FEZ2: variants seen among roughly 807,000 people sequenced by gnomAD.
FEZ2 encodes fasciculation and elongation protein zeta 2.
FEZ2 carries 51 observed loss-of-function variants against 40.4 expected under a neutral mutation model. The ratio of observed to expected loss-of-function variants is 1.26; its 90% CI spans 1.01 to 1.59. The LOEUF (loss-of-function observed/expected upper bound fraction) is 1.59. Ranked by LOEUF, FEZ2 falls within the 40% of genes most tolerant of loss-of-function variation. The pLI is 0.00. For missense variants in FEZ2, 640 were observed against 438.3 expected (o/e 1.46, Z -4.11); for synonymous variants, 242 against 172.0 (o/e 1.41, Z -3.18).
At chr2:36,575,262 G>A (rs574336291) in intron 5 of FEZ2, among the ~76,000 whole-genome samples, 6 of 152,280 alleles carry the variant, frequency 3.9e-5, no homozygotes, top group African/African-American at 1.4e-4. Flanking sequence ...ATGGCCCACT[G>A]CAGCCTCAAC....
chr2:36,572,434 G>T (rs1283838369), intron 5 of FEZ2, among the ~76,000 whole-genome samples: 2 of 152,182 alleles, frequency 1.3e-5, no homozygotes, highest in Non-Finnish European at 2.9e-5. Context: ...CTTAACTGGA[G>T]TTCATAACTT....
intron 4 of FEZ2, among the ~76,000 whole-genome samples, chr2:36,580,166 C>T (rs1668690506): frequency 1.3e-5 from 2 of 152,188 alleles, no homozygotes; most frequent in African/African-American, 4.8e-5. Flanking sequence ...GTTCTGGCAG[C>T]CCTAGCAAAC....
intron 2 of FEZ2, chr2:36,589,779 T>C (rs2125241420): frequency 6.6e-6 from 1 of 152,316 alleles, no homozygotes; most frequent in South Asian, 2.1e-4. Context: ...AACAGTAGGC[T>C]TTTCTGATCA....
intron 5 of FEZ2, among the ~76,000 whole-genome samples, chr2:36,567,395 A>C (rs184341462): frequency 2.6e-5 from 4 of 152,324 alleles, no homozygotes; most frequent in Admixed American, 2.6e-4. Context: ...TAGTCTAGGA[A>C]AGTAAGATGA....
rs186600828 is a variant in FEZ2, at chr2:36,579,641, C to G, written c.635-776G>C. Among the ~76,000 whole-genome samples, 126 of 152,280 alleles carry G rather than the reference C, an allele frequency of 8.3e-4. 1 individual carries two copies. Among genetic ancestry groups the G allele is most frequent in the African/African-American group, 2.8e-3 (116 of 41,546 alleles). On this transcript the variant is annotated intron_variant, in intron 4 of 7. Coordinates refer to ENST00000405912, the MANE Select transcript of FEZ2 (RefSeq NM_005102.3). ...GAGTAAAAGCTCCCTGAGGCCCCCC[C>G]AGAAGCAGATGCTACCAGGCTTCCT...
chr2:36,583,421 C>T lies in FEZ2; in HGVS notation c.424G>A (p.Glu142Lys), dbSNP rs1299404315. The stretch of plus-strand genomic sequence containing the variant: ...ATGATTGAGTGCATATCCAGCTGTT[C>T]TCTCAGCTCTTCATCATCTGATGTA... ...FDTSDDEELR[E>K]QLDMHSIIVS... is the part of the protein sequence containing the mutation. The change falls in exon 3 of 8, where the codon GAA becomes AAA. Residue 142 changes from glutamate (E) to lysine (K), a missense_variant. Transcript: ENST00000405912. The T allele has an allele frequency of 6.2e-7, 1 of 1,608,596 alleles. No individual in the cohort carries two copies. Among genetic ancestry groups the T allele is most frequent in the East Asian group, 2.2e-5 (1 of 44,852 alleles).
At chr2:36,579,971 T>C (rs1310230578) in intron 4 of FEZ2, among the ~76,000 whole-genome samples, 1 of 151,948 alleles carries the variant, frequency 6.6e-6, no homozygotes, top group Non-Finnish European at 1.5e-5. Flanking sequence ...TCTTATAAAA[T>C]AGGGTGATCA....
chr2:36,575,839 G>C (rs2125232113), intron 5 of FEZ2, among the ~76,000 whole-genome samples: 1 of 151,992 alleles, frequency 6.6e-6, no homozygotes, highest in African/African-American at 2.4e-5. Context: ...AACAATTTTA[G>C]ATTAAGTGGT....
Position 36,590,929 on chromosome 2 carries a change from G to T in FEZ2, c.349C>A (p.Leu117Ile). The change falls in exon 2 of 8, where the codon CTT becomes ATT. Residue 117 changes from leucine to isoleucine, a missense_variant. By Grantham distance (5) the Leu-to-Ile change is conservative. Transcript: ENST00000405912. ...CCTTTTTCTGAGAGGTTCAGAGTAA[G>T]CAAGTGCAAGGTCCTAGTATGCGAT... ...KSSHTRTLHL[L>I]TLNLSEKGVS... 3.1e-6 allele frequency: 5 copies of T among 1,609,110 alleles called. No homozygotes were observed. The highest frequency in any genetic ancestry group is 3.4e-6 in the Non-Finnish European group (4 of 1,175,380).
intron 2 of FEZ2, chr2:36,584,189 G>C (rs1167205266): frequency 6.6e-6 from 1 of 152,254 alleles, no homozygotes. Context: ...CATGTATTTT[G>C]CTGTCTTCCT....
intron 2 of FEZ2, 80 bp downstream of exon 2, chr2:36,590,823 T>G (rs1466846529): frequency 1.2e-6 from 1 of 854,166 alleles, no homozygotes; most frequent in African/African-American, 1.7e-5. Context: ...AGTGAATCTG[T>G]GTTAAGCAGA....
intron 7 of FEZ2, among the ~76,000 whole-genome samples, chr2:36,554,604 A>G (rs1667906359): frequency 6.6e-6 from 1 of 152,166 alleles, no homozygotes; most frequent in Non-Finnish European, 1.5e-5. Flanking sequence ...CCTCCATCAG[A>G]AAAAAAGCTT....
intron 1 of FEZ2, among the ~76,000 whole-genome samples, chr2:36,593,467 A>G (rs1312656081): frequency 6.6e-6 from 1 of 152,050 alleles, no homozygotes; most frequent in Non-Finnish European, 1.5e-5. Context: ...CTGAATCTAG[A>G]AGGAGGTTCC....
chr2:36,558,553 A>C (rs1668013763), intron 5 of FEZ2, 40 bp from the exon 6 acceptor site: 1 of 1,283,460 alleles, frequency 7.8e-7, no homozygotes, highest in South Asian at 1.5e-5. Flanking sequence ...TTAAATCGGA[A>C]TTACCTTATC....
rs900448512 is a variant in FEZ2 at position 36,593,274 on chromosome 2, T to C, written c.267-2263A>G. On this transcript the variant is annotated intron_variant, in intron 1 of 7. Transcript: ENST00000405912. Reference sequence around the variant, plus strand: ...AGGAAGATGCAAAAGCAGAAACCCCTGATAAACTCATGGACAGCGGCCCTC... The same window carrying C: ...AGGAAGATGCAAAAGCAGAAACCCCCGATAAACTCATGGACAGCGGCCCTC... 5.9e-5 allele frequency among the ~76,000 whole-genome samples: 9 copies of C among 152,060 alleles called. 2 individuals carry two copies. Among genetic ancestry groups the C allele is most frequent in the Admixed American group, 3.9e-4 (6 of 15,284 alleles).
Position 36,582,948 on chromosome 2 carries a change from A to G in FEZ2, c.492+405T>C, listed in dbSNP as rs112467108. Among the ~76,000 whole-genome samples, 499 of 152,318 alleles carry G rather than the reference A, an allele frequency of 3.3e-3. 2 individuals are homozygous for G. The highest frequency in any genetic ancestry group is 0.011 in the African/African-American group (465 of 41,574). ...CTCACTTCTTTCTGGGGCACACAAT[A>G]TGTTACTTTAATACATGCTAATGCT... On this transcript the variant is annotated intron_variant, in intron 3 of 7. Transcript: ENST00000405912.
chr2:36,576,419 G>A (rs1020549754), intron 5 of FEZ2, among the ~76,000 whole-genome samples: 4 of 152,006 alleles, frequency 2.6e-5, no homozygotes, highest in Admixed American at 6.6e-5. Context: ...ACAGGCATGC[G>A]CCACCACGCC....
intron 5 of FEZ2, among the ~76,000 whole-genome samples, chr2:36,568,376 G>GA (rs551976867): frequency 6.6e-6 from 1 of 151,996 alleles, no homozygotes; most frequent in Admixed American, 6.5e-5. Flanking sequence ...TAAAAGAAAA[G>GA]AAAAAACAAT....
At chr2:36,566,853 C>T (rs1031891808) in intron 5 of FEZ2, among the ~76,000 whole-genome samples, 16 of 152,164 alleles carry the variant, frequency 1.1e-4, no homozygotes, top group Non-Finnish European at 1.6e-4. Context: ...TAACTTTAAA[C>T]GTCTTCTTAT....
Sources: gnomAD v4.1 joint callset for allele counts (sites outside exome capture counted in the v4.1 genomes callset) on GRCh38, gnomAD v4.1.1 for gene constraint, MANE v1.5 for transcripts, NCBI Gene and HGNC (gene_info 2026-07-23, HGNC 2026-07-21) for gene names.